The following PLA2G6 variants were observed in gnomAD, a reference collection of about 807,000 sequenced individuals.
PLA2G6 encodes phospholipase A2 group VI.
In PLA2G6, 62 loss-of-function variants were observed where a neutral mutation model predicts 83.8. That is an observed-to-expected ratio of 0.74 (90% CI 0.60 to 0.91). The LOEUF (loss-of-function observed/expected upper bound fraction) is 0.91. Ranked by LOEUF, PLA2G6 falls within the 40% of genes least tolerant of loss-of-function variation. The pLI is 0.00. For synonymous variants in PLA2G6, 417 were observed against 449.8 expected (o/e 0.93, Z 0.92); for missense variants, 944 against 1,102.0 (o/e 0.86, Z 2.03).
At chr22:38,145,781 GCAAA>G (rs1569278418) in intron 2 of PLA2G6, 128 bp from the exon 3 acceptor site, 2 of 353,306 alleles carry the variant, frequency 5.7e-6, no homozygotes. Flanking sequence ...CCCCTCCCAA[GCAAA>G]CACACACACA....
At chr22:38,168,162 T>A (rs2090294886) in intron 2 of PLA2G6, 1 of 155,336 alleles carries the variant, frequency 6.4e-6, no homozygotes, top group African/African-American at 2.4e-5. Context: ...TGTACGTTCC[T>A]TAAAGACACA....
intron 5 of PLA2G6, chr22:38,135,442 C>T (rs1412647764): frequency 3.4e-6 from 1 of 296,474 alleles, no homozygotes; most frequent in Non-Finnish European, 6.6e-6. Flanking sequence ...TAAGGAAGAC[C>T]AGGCATTTCA....
chr22:38,179,958 T>A (rs971453507), intron 1 of PLA2G6, among the ~76,000 whole-genome samples: 1 of 151,774 alleles, frequency 6.6e-6, no homozygotes, highest in African/African-American at 2.4e-5. Context: ...GAGATCACCA[T>A]CCGAAAACGA....
In PLA2G6 at chr22:38,117,447, G is replaced by A. The variant is rs866762430; in HGVS notation, c.1743-1236C>T. 5.3e-4 allele frequency among the ~76,000 whole-genome samples: 81 copies of A among 152,036 alleles called. 1 individual carries two copies. Among genetic ancestry groups the A allele is most frequent in the Middle Eastern group, 3.4e-3 (1 of 294 alleles). ...CCTGACCTCATGATCCGCCCACCTC[G>A]GCCTCCCAAAGTGCTGGGATTACAA... is the stretch of plus-strand genomic sequence containing the variant. On this transcript the variant is annotated intron_variant, in intron 12 of 16. Transcript: ENST00000332509.
intron 2 of PLA2G6, among the ~76,000 whole-genome samples, chr22:38,162,902 G>A (rs561841202): frequency 1.1e-3 from 172 of 152,258 alleles, no homozygotes; most frequent in African/African-American, 4.0e-3. Context: ...GGGAGATTCA[G>A]GGAGAAGGCT....
chr22:38,178,682 T>C (rs2090730138), intron 1 of PLA2G6, among the ~76,000 whole-genome samples: 1 of 152,088 alleles, frequency 6.6e-6, no homozygotes, highest in Non-Finnish European at 1.5e-5. Flanking sequence ...CTGGCCAACA[T>C]AGTGAAACCC....
rs756615798 is a variant in PLA2G6, at chr22:38,129,541, T to C, written c.1099A>G (p.Lys367Glu). The C allele has an allele frequency of 1.2e-6, 2 of 1,613,618 alleles. No homozygotes were observed. The highest frequency in any genetic ancestry group is 1.3e-5 in the African/African-American group (1 of 75,014). Residue 367 changes from lysine (K) to glutamate (E), a missense_variant, in exon 8 of 17, where the codon AAG (lysine) becomes GAG (glutamate). Transcript: ENST00000332509. ...AMSKDNVEMIKALIVFGAEVD... is the reference protein window; with the variant it reads ...AMSKDNVEMIEALIVFGAEVD... ...TCTGCTCCGAACACGATGAGGGCCT[T>C]GATCATCTCCACGTTGTCTTTCTGT... is the stretch of plus-strand genomic sequence containing the variant.
chr22:38,142,694 G>T, intron 4 of PLA2G6: 1 of 317,708 alleles, frequency 3.1e-6, no homozygotes, highest in Non-Finnish European at 6.2e-6. Context: ...AGCCGTCCTG[G>T]GCTGCATGCA....
intron 1 of PLA2G6, among the ~76,000 whole-genome samples, chr22:38,177,333 C>A (rs2090674661): frequency 6.6e-6 from 1 of 152,096 alleles, no homozygotes; most frequent in Non-Finnish European, 1.5e-5. Context: ...CCAGCTCATT[C>A]CAACCTCTTT....
At chr22:38,160,320 G>A (rs1163713987) in intron 2 of PLA2G6, among the ~76,000 whole-genome samples, 1 of 152,144 alleles carries the variant, frequency 6.6e-6, no homozygotes, top group Admixed American at 6.5e-5. Context: ...TACTAACGTT[G>A]AAGACAAGTT....
rs140687415 is a variant in PLA2G6 at position 38,112,013 on chromosome 22, G to A, written c.*148C>T. The A allele has an allele frequency of 8.3e-4, 743 of 892,706 alleles. 3 individuals are homozygous for A. The African/African-American group carries it at 0.01, about 12-fold the overall frequency. 55.3% of individuals were successfully genotyped at this position (892,706 alleles called of 1,614,324 possible). On this transcript the variant is annotated 3_prime_UTR_variant, in exon 17 of 17. Transcript: ENST00000332509. Reference sequence around the variant, plus strand: ...GAGACAGGCCTTCAGGACCAGCCTCGGGCAGGCAGCTTGGCATTCTCCCAG... The same window carrying A: ...GAGACAGGCCTTCAGGACCAGCCTCAGGCAGGCAGCTTGGCATTCTCCCAG...
At chr22:38,161,603 C>T (rs886513355) in intron 2 of PLA2G6, among the ~76,000 whole-genome samples, 1 of 152,094 alleles carries the variant, frequency 6.6e-6, no homozygotes, top group African/African-American at 2.4e-5. Context: ...AAGTAGATGA[C>T]AGGAGATGAT....
chr22:38,146,701 T>C (rs2089277570), intron 2 of PLA2G6: 1 of 152,000 alleles, frequency 6.6e-6, no homozygotes. Flanking sequence ...TAAATTATGG[T>C]ATAACTATGT....
chr22:38,141,300 G>A (rs897483601), intron 4 of PLA2G6: 3 of 152,288 alleles, frequency 2.0e-5, no homozygotes, highest in Non-Finnish European at 4.4e-5. Context: ...AGGCTGCAGT[G>A]AGCCACAATC....
chr22:38,170,622 G>A (rs1385165863), intron 1 of PLA2G6, among the ~76,000 whole-genome samples: 1 of 152,124 alleles, frequency 6.6e-6, no homozygotes, highest in Non-Finnish European at 1.5e-5. Context: ...CCTTCCTAAG[G>A]TACTGTCACC....
intron 9 of PLA2G6, 44 bp from the exon 10 acceptor site, chr22:38,126,493 C>G (rs1217460189): frequency 2.3e-5 from 34 of 1,475,436 alleles, no homozygotes; most frequent in Non-Finnish European, 3.0e-5. Context: ...GGTGGGTCCC[C>G]AAGCCCTGCT....
intron 3 of PLA2G6, 185 bp from the exon 4 acceptor site, chr22:38,143,473 G>C: frequency 1.5e-6 from 1 of 684,730 alleles, no homozygotes; most frequent in Non-Finnish European, 2.6e-6. Context: ...GATGTGACCT[G>C]TATCAGGTTT....
intron 5 of PLA2G6, chr22:38,136,029 T>G (rs2088531412): frequency 6.6e-6 from 1 of 152,218 alleles, no homozygotes; most frequent in Non-Finnish European, 1.5e-5. Flanking sequence ...GCAACATGGA[T>G]GAGCCTTGAA....
At chr22:38,146,148 A>C in intron 2 of PLA2G6, 1 of 193,032 alleles carries the variant, frequency 5.2e-6, no homozygotes, top group Non-Finnish European at 1.1e-5. Context: ...CAATTCTCCT[A>C]CCTCAGTCTC....
Sources: gnomAD v4.1 joint callset for allele counts (sites outside exome capture counted in the v4.1 genomes callset) on GRCh38, gnomAD v4.1.1 for gene constraint, MANE v1.5 for transcripts, NCBI Gene and HGNC (gene_info 2026-07-23, HGNC 2026-07-21) for gene names.